MAP4K5: variants seen among roughly 807,000 people sequenced by gnomAD.
The protein encoded by MAP4K5 is MAPK/ERK kinase kinase kinase 5.
Under a neutral mutation model 135.6 loss-of-function variants are expected in MAP4K5, and 82 were observed. The observed-to-expected ratio is 0.60, with a 90% CI of 0.51 to 0.73. The LOEUF (loss-of-function observed/expected upper bound fraction) is 0.73. MAP4K5 is among the 30% of genes least tolerant of loss of function. The pLI, the probability that MAP4K5 is intolerant of heterozygous loss-of-function variation, is 0.00. For missense variants in MAP4K5, 907 were observed against 1,010.9 expected (o/e 0.90, Z 1.39); for synonymous variants, 347 against 335.0 (o/e 1.04, Z -0.39).
chr14:50,481,878 C>T (rs2037250814), intron 6 of MAP4K5, among the ~76,000 whole-genome samples: 1 of 152,142 alleles, frequency 6.6e-6, no homozygotes, highest in African/African-American at 2.4e-5. Context: ...CAGATAACAC[C>T]TTGAGTTAAT....
chr14:50,519,945 A>C (rs1307160960), intron 2 of MAP4K5, among the ~76,000 whole-genome samples: 1 of 152,240 alleles, frequency 6.6e-6, no homozygotes, highest in Non-Finnish European at 1.5e-5. Flanking sequence ...GATGTCTTTA[A>C]AAATATATTA....
At chr14:50,508,422 T>C (rs1013355323) in intron 2 of MAP4K5, among the ~76,000 whole-genome samples, 12 of 152,092 alleles carry the variant, frequency 7.9e-5, no homozygotes, top group East Asian at 7.7e-4. Flanking sequence ...TGTAGGGACA[T>C]GGATGAAGCT....
chr14:50,484,019 C>CTTGGCTAAT (rs1354063614), intron 5 of MAP4K5, among the ~76,000 whole-genome samples: 1 of 152,096 alleles, frequency 6.6e-6, no homozygotes, highest in Non-Finnish European at 1.5e-5. Context: ...TGCCACCACA[C>CTTGGCTAAT]TTGGCTAATT....
intron 1 of MAP4K5, among the ~76,000 whole-genome samples, chr14:50,545,426 G>A (rs2038618764): frequency 6.6e-6 from 1 of 152,216 alleles, no homozygotes; most frequent in African/African-American, 2.4e-5. Context: ...AGGGGTGTCT[G>A]CAGTGGGAAT....
At chr14:50,485,478 T>C (rs2037344003) in intron 5 of MAP4K5, 100 bp downstream of exon 5, 1 of 736,764 alleles carries the variant, frequency 1.4e-6, no homozygotes, top group Non-Finnish European at 2.3e-6. Flanking sequence ...GAATGCAAAA[T>C]AGTAAGTCTA....
chr14:50,537,494 G>A (rs1027406880), upstream of MAP4K5, among the ~76,000 whole-genome samples: 1 of 152,146 alleles, frequency 6.6e-6, no homozygotes, highest in African/African-American at 2.4e-5. Context: ...TGAGAAGAGG[G>A]CCACTGTCCT....
At chr14:50,493,278 AT>A (rs2037525067) in intron 3 of MAP4K5, among the ~76,000 whole-genome samples, 1 of 152,028 alleles carries the variant, frequency 6.6e-6, no homozygotes, top group African/African-American at 2.4e-5. Context: ...ATTTTCAAAA[AT>A]TTTTAGTAGA....
chr14:50,537,464 G>A (rs1312094531), upstream of MAP4K5, among the ~76,000 whole-genome samples: 9 of 152,208 alleles, frequency 5.9e-5, no homozygotes, highest in Admixed American at 3.9e-4. Context: ...TTCCTACTGA[G>A]GTACTGCCTA....
chr14:50,539,822 C>T (rs2038538433), intron 2 of MAP4K5, among the ~76,000 whole-genome samples: 1 of 152,190 alleles, frequency 6.6e-6, no homozygotes, highest in Non-Finnish European at 1.5e-5. Context: ...TTACTAGAAG[C>T]TTGTTCTCAA....
chr14:50,451,086 T>TTA (rs1219366936), intron 14 of MAP4K5, among the ~76,000 whole-genome samples: 1 of 152,106 alleles, frequency 6.6e-6, no homozygotes, highest in Non-Finnish European at 1.5e-5. Flanking sequence ...AAAACAGAAA[T>TTA]TATATATATG....
At chr14:50,486,018 A>G in intron 4 of MAP4K5, 86 bp downstream of exon 4, 5 of 640,184 alleles carry the variant, frequency 7.8e-6, no homozygotes, top group Non-Finnish European at 1.4e-5. Flanking sequence ...ACATACAAAT[A>G]TAGTAGCACT....
chr14:50,463,891 C>CAAAAAAAAAAAAAAAA (rs56877870), intron 12 of MAP4K5, among the ~76,000 whole-genome samples, 161 bp downstream of exon 12: 1 of 70,408 alleles, frequency 1.4e-5, no homozygotes, highest in African/African-American at 6.0e-5. Context: ...ACCCTGTTTC[C>CAAAAAAAAAAAAAAAA]AAAAAAAAAA....
intron 2 of MAP4K5, among the ~76,000 whole-genome samples, chr14:50,529,488 CAG>C (rs952032156): frequency 1.3e-5 from 2 of 152,144 alleles, no homozygotes; most frequent in Non-Finnish European, 2.9e-5. Context: ...AACTAAGTGA[CAG>C]AGTCTGATAT....
At chr14:50,449,680 A>C (rs1253947974) in intron 14 of MAP4K5, 1 of 152,212 alleles carries the variant, frequency 6.6e-6, no homozygotes, top group Non-Finnish European at 1.5e-5. Flanking sequence ...TTTTTCAATA[A>C]AAGTTTAGAA....
At chr14:50,447,591 C>T (rs768379144) in intron 15 of MAP4K5, 110 bp from the exon 16 acceptor site, 5 of 630,796 alleles carry the variant, frequency 7.9e-6, no homozygotes, top group African/African-American at 1.9e-5. Context: ...TCTTGGCATT[C>T]AATCAATTTT....
At chr14:50,546,599 A>G (rs1252290136) in intron 1 of MAP4K5, among the ~76,000 whole-genome samples, 10 of 152,162 alleles carry the variant, frequency 6.6e-5, no homozygotes, top group Non-Finnish European at 1.3e-4. Context: ...TGTCTTCAGA[A>G]TTGTCTGCAT....
chr14:50,498,942 A>C (rs2037650139), intron 3 of MAP4K5, among the ~76,000 whole-genome samples: 1 of 152,226 alleles, frequency 6.6e-6, no homozygotes. Context: ...TTCATTTTTG[A>C]AATACAGCAG....
intron 31 of MAP4K5, among the ~76,000 whole-genome samples, chr14:50,423,925 C>G (rs145358499): frequency 6.6e-6 from 1 of 152,184 alleles, no homozygotes; most frequent in African/African-American, 2.4e-5. Context: ...TGAGTCAATT[C>G]TGAGGTGTAT....
chr14:50,427,554 A>G (rs2035873348), intron 30 of MAP4K5, among the ~76,000 whole-genome samples: 1 of 152,222 alleles, frequency 6.6e-6, no homozygotes, highest in Admixed American at 6.5e-5. Flanking sequence ...TTTTAAAAAT[A>G]TGTAATTATA....
Sources: gnomAD v4.1 joint callset for allele counts (sites outside exome capture counted in the v4.1 genomes callset) on GRCh38, gnomAD v4.1.1 for gene constraint, MANE v1.5 for transcripts, NCBI Gene and HGNC (gene_info 2026-07-23, HGNC 2026-07-21) for gene names.